Variants in TENM1 observed in about 807,000 individuals in gnomAD.
The protein encoded by TENM1 is teneurin-1.
TENM1 carries 35 observed loss-of-function variants against 174.8 expected under a neutral mutation model. The observed-to-expected ratio is 0.20, with a 90% CI of 0.15 to 0.27. The LOEUF (loss-of-function observed/expected upper bound fraction) is 0.27. Ranked by LOEUF, TENM1 falls within the 10% of genes least tolerant of loss-of-function variation. The pLI is 1.00. For missense variants in TENM1, 1,633 were observed against 2,130.1 expected (o/e 0.77, Z 4.59); for synonymous variants, 781 against 798.7 (o/e 0.98, Z 0.37).
At chrX:124,585,679 C>T (rs2049483868) in intron 11 of TENM1, among the ~76,000 whole-genome samples, 1 of 110,687 alleles carries the variant, frequency 9.0e-6, no homozygotes, top group Non-Finnish European at 1.9e-5. Context: ...CAAGAAATAA[C>T]TAAAATTAGA....
At chrX:124,707,543 C>T (rs1215470986) in intron 4 of TENM1, among the ~76,000 whole-genome samples, 1 of 110,931 alleles carries the variant, frequency 9.0e-6, no homozygotes, top group Non-Finnish European at 1.9e-5. Context: ...GGGATTTGAC[C>T]TAGGTTTCAC....
intron 11 of TENM1, among the ~76,000 whole-genome samples, chrX:124,618,502 T>C (rs1244921370): frequency 8.9e-6 from 1 of 112,166 alleles, no homozygotes; most frequent in Non-Finnish European, 1.9e-5. Context: ...GTCCCATTAT[T>C]TTTTCCCATT....
chrX:124,571,055 TC>T (rs1412064205), intron 11 of TENM1, among the ~76,000 whole-genome samples: 1 of 111,738 alleles, frequency 8.9e-6, no homozygotes, highest in Non-Finnish European at 1.9e-5. Flanking sequence ...ACATGTTCTT[TC>T]CAAGCACACA....
At chrX:124,869,083 A>T (rs915399746) in intron 3 of TENM1, among the ~76,000 whole-genome samples, 5 of 106,770 alleles carry the variant, frequency 4.7e-5, no homozygotes, top group Non-Finnish European at 9.6e-5. Context: ...AAAAAAAAAA[A>T]TTAGCCAGGC....
At chrX:125,055,014 T>C in the TENM1 span, among the ~76,000 whole-genome samples, 1 of 111,977 alleles carries the variant, frequency 8.9e-6, no homozygotes. Context: ...AATATAGTCA[T>C]TTTCTTCTCC....
At chrX:124,940,902 T>C (rs534580032) in intron 1 of TENM1, among the ~76,000 whole-genome samples, 9 of 111,764 alleles carry the variant, frequency 8.1e-5, no homozygotes, top group African/African-American at 2.9e-4. Context: ...CATTAGTTCA[T>C]TTTCCCTTGA....
chrX:124,454,333 C>T lies in TENM1; in HGVS notation c.3950-842G>A, dbSNP rs140204956. On this transcript the variant is annotated intron_variant, in intron 22 of 31. Transcript: ENST00000422452. ...GTTTGGCTGTAACTGAGGCAGAGCT[C>T]AGTTTTAAAACTAGGACCATCCTTG... 3.2e-4 allele frequency among the ~76,000 whole-genome samples: 35 copies of T among 110,834 alleles called. No individual in the cohort carries two copies. The East Asian group carries it at 9.9e-3, about 31-fold the overall frequency.
chrX:124,953,438 C>G (rs1323999011), intron 1 of TENM1, among the ~76,000 whole-genome samples: 1 of 111,533 alleles, frequency 9.0e-6, no homozygotes, highest in Non-Finnish European at 1.9e-5. Flanking sequence ...TGAACAGTCC[C>G]GCTACTTCAG....
At chrX:124,634,706 G>A (rs760697426) in intron 11 of TENM1, among the ~76,000 whole-genome samples, 54 of 111,919 alleles carry the variant, frequency 4.8e-4, no homozygotes, top group Admixed American at 1.1e-3. Flanking sequence ...TGCTAGACAC[G>A]CAGAGTCATG....
chrX:124,687,599 G>C lies in TENM1; in HGVS notation c.1016-15764C>G, dbSNP rs774581835. On this transcript the variant is annotated intron_variant, in intron 5 of 31. Transcript: ENST00000422452. ...ACAAATGGGATCTAATTAAACTATA[G>C]ATCTTCTGCACAGCACAAGAAACTA... 4.5e-5 allele frequency among the ~76,000 whole-genome samples: 5 copies of C among 112,212 alleles called. No homozygotes were observed. The South Asian group carries it at 1.8e-3, about 41-fold the overall frequency.
At chrX:125,200,654 T>TGAGAGAGAGAGAGAGAGAGA in the TENM1 span, among the ~76,000 whole-genome samples, 2 of 92,419 alleles carry the variant, frequency 2.2e-5, no homozygotes, top group African/African-American at 8.4e-5. Flanking sequence ...TGTGTGTGTG[T>TGAGAGAGAGAGAGAGAGAGA]GAGAGAGAGA....
the TENM1 span, among the ~76,000 whole-genome samples, chrX:125,082,344 T>C: frequency 1.8e-5 from 2 of 110,504 alleles, no homozygotes; most frequent in African/African-American, 6.6e-5. Context: ...TTCTACAACA[T>C]ATGAATCAGA....
chrX:124,847,155 A>G (rs2147383524), intron 3 of TENM1, among the ~76,000 whole-genome samples: 1 of 111,301 alleles, frequency 9.0e-6, no homozygotes, highest in East Asian at 2.8e-4. Flanking sequence ...GCCTTTAAAT[A>G]TGCTAGTATG....
intron 8 of TENM1, among the ~76,000 whole-genome samples, chrX:124,649,652 A>G (rs2051246539): frequency 8.9e-6 from 1 of 112,074 alleles, no homozygotes; most frequent in South Asian, 3.7e-4. Flanking sequence ...TGCTGCCTAT[A>G]CTACTGGAAA....
exon 16 of TENM1, chrX:124,529,941 T>C: frequency 8.3e-7 from 1 of 1,210,427 alleles, no homozygotes; most frequent in Admixed American, 2.2e-5. Context: ...CTAGAGGAGT[T>C]CCATCTATGG....
chrX:124,471,649 T>C (rs1385406991), intron 22 of TENM1, among the ~76,000 whole-genome samples: 1 of 84,421 alleles, frequency 1.2e-5, no homozygotes, highest in Non-Finnish European at 2.1e-5. Context: ...TATAATTATA[T>C]AATATACAAT....
rs754062868 is a variant in TENM1 at position 124,894,443 on chromosome X, TAAA to T, written c.479-94_479-92del. 1.4e-4 allele frequency: 87 copies of T among 613,991 alleles called. No homozygotes were observed. The South Asian group carries it at 2.0e-3, about 14-fold the overall frequency. The allele number at this position is 613,991 out of a possible 1,213,427, so 50.6% of individuals were successfully genotyped here. A position where few individuals can be genotyped will look rare whatever the true frequency, so the allele number is the denominator to read the frequency against. On this transcript the variant is annotated intron_variant, in intron 2 of 31. Coordinates refer to ENST00000422452, the Ensembl canonical transcript of TENM1. ...CCCTTACCCTTCATCTAGTGGTGCTTAAAAAAAACCCAGCTTTATTGCAATATA... is the reference window on the plus strand; with the variant it reads ...CCCTTACCCTTCATCTAGTGGTGCTTAAAAACCCAGCTTTATTGCAATATA...
chrX:124,849,713 T>C (rs931968894), intron 3 of TENM1, among the ~76,000 whole-genome samples: 11 of 111,715 alleles, frequency 9.8e-5, no homozygotes, highest in Non-Finnish European at 1.7e-4. Flanking sequence ...TTCTGATTCA[T>C]AGCAACTGTG....
At chrX:124,914,157 A>G (rs1424652228) in intron 1 of TENM1, among the ~76,000 whole-genome samples, 5 of 112,158 alleles carry the variant, frequency 4.5e-5, no homozygotes, top group African/African-American at 1.3e-4. Flanking sequence ...TCACTTCGTT[A>G]CAGGTAAAAT....
Sources: allele counts gnomAD v4.1 joint callset (sites outside exome capture counted in the v4.1 genomes callset), GRCh38; gene constraint gnomAD v4.1.1; transcripts MANE v1.5; gene names NCBI Gene and HGNC (gene_info 2026-07-23, HGNC 2026-07-21).